PDE8A: variants seen among roughly 807,000 people sequenced by gnomAD.
PDE8A encodes high affinity cAMP-specific and IBMX-insensitive 3',5'-cyclic phosphodiesterase 8A.
In PDE8A, 59 loss-of-function variants were observed where a neutral mutation model predicts 105.0. The ratio of observed to expected loss-of-function variants is 0.56; its 90% CI spans 0.46 to 0.70. The LOEUF is 0.70. Ranked by LOEUF, PDE8A falls within the 30% of genes least tolerant of loss-of-function variation. The pLI, the probability that PDE8A is intolerant of heterozygous loss-of-function variation, is 0.00. For missense variants in PDE8A, 1,014 were observed against 1,045.9 expected (o/e 0.97, Z 0.42); for synonymous variants, 355 against 371.9 (o/e 0.95, Z 0.52).
chr15:85,100,202 C>T lies in PDE8A; in HGVS notation c.1036+4C>T, dbSNP rs370680030. The T allele has an allele frequency of 2.3e-5, 37 of 1,609,214 alleles. No individual in the cohort carries two copies. The East Asian group carries it at 3.1e-4, about 14-fold the overall frequency. ...GTTCAGTCTGACACTCATACAGGTACGGTGCCCCGTATTTATTCTTAGAGT... is the reference window on the plus strand; with the variant it reads ...GTTCAGTCTGACACTCATACAGGTATGGTGCCCCGTATTTATTCTTAGAGT... On this transcript the variant is annotated splice_donor_region_variant and intron_variant, in intron 11 of 21. Coordinates refer to ENST00000394553, the MANE Select transcript of PDE8A (RefSeq NM_002605.3).
intron 5 of PDE8A, among the ~76,000 whole-genome samples, chr15:85,078,640 TAA>T (rs1472923430): frequency 6.8e-6 from 1 of 148,026 alleles, no homozygotes; most frequent in African/African-American, 2.5e-5. Context: ...GAAGGTGAAA[TAA>T]AGACTTTCAG....
intron 1 of PDE8A, among the ~76,000 whole-genome samples, chr15:85,006,627 TAG>T (rs1567225108): frequency 6.6e-6 from 1 of 152,236 alleles, no homozygotes; most frequent in Non-Finnish European, 1.5e-5. Context: ...ATTGGAGAAA[TAG>T]AGTTTTTCTT....
chr15:85,134,737 A>C (rs2082379752), intron 20 of PDE8A, among the ~76,000 whole-genome samples: 1 of 152,182 alleles, frequency 6.6e-6, no homozygotes, highest in South Asian at 2.1e-4. Context: ...ATCCTAGGAA[A>C]ACCTCCAGAG....
chr15:85,105,210 G>T (rs11073939), intron 11 of PDE8A, among the ~76,000 whole-genome samples: 1 of 151,536 alleles, frequency 6.6e-6, no homozygotes, highest in Non-Finnish European at 1.5e-5. Context: ...CCTCATAGAT[G>T]ATTGAAAAGA....
intron 2 of PDE8A, among the ~76,000 whole-genome samples, chr15:85,065,481 AT>A (rs1260524558): frequency 1.5e-4 from 19 of 129,734 alleles, no homozygotes; most frequent in Non-Finnish European, 2.5e-4. Flanking sequence ...TTAAAGTATA[AT>A]TAAAAAAAAA....
chr15:85,090,489 C>T (rs2081623383), intron 7 of PDE8A, among the ~76,000 whole-genome samples: 1 of 152,190 alleles, frequency 6.6e-6, no homozygotes, highest in Admixed American at 6.5e-5. Flanking sequence ...TAAAGCCTTA[C>T]ATTTGTAATT....
chr15:85,056,006 G>A (rs1353320635), intron 1 of PDE8A, among the ~76,000 whole-genome samples: 2 of 152,090 alleles, frequency 1.3e-5, no homozygotes, highest in Non-Finnish European at 2.9e-5. Context: ...CAGGCCTGGT[G>A]GTGACAAAAT....
intron 1 of PDE8A, among the ~76,000 whole-genome samples, chr15:85,019,958 T>G (rs2080396362): frequency 7.0e-6 from 1 of 142,376 alleles, no homozygotes; most frequent in East Asian, 2.0e-4. Context: ...TTTTTTTTTT[T>G]TTTTTTTTTT....
In PDE8A at chr15:85,083,614, T is replaced by G; in HGVS notation, c.605T>G (p.Phe202Cys). The change falls in exon 6 of 22, where the codon TTT (phenylalanine) becomes TGT (cysteine). Residue 202 changes from phenylalanine to cysteine, a missense_variant. Transcript: ENST00000394553. ...ACYNELLQLE[F>C]GEVRSQLKLR... is the part of the protein sequence containing the mutation. Reference sequence around the variant, plus strand: ...TACAATGAACTGCTCCAGCTGGAGTTTGGAGAGGTGCGATCACAACTGAAA... The same window carrying G: ...TACAATGAACTGCTCCAGCTGGAGTGTGGAGAGGTGCGATCACAACTGAAA... 1 of 1,613,488 alleles carries G rather than the reference T, an allele frequency of 6.2e-7. No individual in the cohort carries two copies. The highest frequency in any genetic ancestry group is 8.5e-7 in the Non-Finnish European group (1 of 1,179,446).
chr15:85,100,375 G>A, intron 11 of PDE8A, 177 bp downstream of exon 11: 4 of 608,100 alleles, frequency 6.6e-6, no homozygotes, highest in South Asian at 4.2e-5. Context: ...GGACTTGAGC[G>A]CTTGTGAGCA....
chr15:85,137,634 G>C (rs538525842), intron 21 of PDE8A, among the ~76,000 whole-genome samples, 163 bp from the exon 22 acceptor site: 8 of 152,350 alleles, frequency 5.3e-5, no homozygotes, highest in Non-Finnish European at 1.5e-5. Flanking sequence ...TTTAACTTCA[G>C]TCAGCCACGG....
At chr15:85,137,073 C>T (rs902559622) in intron 21 of PDE8A, among the ~76,000 whole-genome samples, 10 of 152,172 alleles carry the variant, frequency 6.6e-5, no homozygotes, top group Non-Finnish European at 1.5e-4. Flanking sequence ...CCTCCTTTAA[C>T]TTCAGGTGGG....
At chr15:85,010,970 A>G (rs538313373) in intron 1 of PDE8A, among the ~76,000 whole-genome samples, 2 of 152,228 alleles carry the variant, frequency 1.3e-5, no homozygotes, top group East Asian at 3.9e-4. Flanking sequence ...GGTCAAGTCT[A>G]TTTTAAGTCT....
At chr15:85,114,293 C>T (rs1258766861) in intron 14 of PDE8A, among the ~76,000 whole-genome samples, 1 of 152,182 alleles carries the variant, frequency 6.6e-6, no homozygotes, top group Non-Finnish European at 1.5e-5. Context: ...AGCACCAGTT[C>T]TCCAGTGTTG....
intron 1 of PDE8A, among the ~76,000 whole-genome samples, chr15:85,028,473 G>A (rs992135316): frequency 2.6e-5 from 4 of 151,988 alleles, no homozygotes; most frequent in Non-Finnish European, 4.4e-5. Flanking sequence ...CCTCAGCCTC[G>A]CCAAGTGCTG....
chr15:85,017,578 A>T (rs1436411772), intron 1 of PDE8A, among the ~76,000 whole-genome samples: 2 of 152,030 alleles, frequency 1.3e-5, no homozygotes, highest in Non-Finnish European at 2.9e-5. Context: ...TATTTAGCAG[A>T]CTTTTACACT....
At position 84,997,075 on chromosome 15, in the gene PDE8A, G is replaced by GT. The variant is rs558272739; in HGVS notation, c.186+14734dup. 9.2e-5 allele frequency among the ~76,000 whole-genome samples: 14 copies of GT among 152,092 alleles called. No homozygotes were observed. The East Asian group carries it at 1.4e-3, about 15-fold the overall frequency. On this transcript the variant is annotated intron_variant, in intron 1 of 21. Transcript: ENST00000394553. The stretch of plus-strand genomic sequence containing the variant: ...TACTGTAACTTTTTTACTTTATAAA[G>GT]TTTTTTTAACTTTCTGACACATTTG...
rs2081841445 is a variant in PDE8A at position 85,100,372 on chromosome 15, A to T, written c.1036+174A>T. 11 of 608,828 alleles carry T rather than the reference A, an allele frequency of 1.8e-5. 1 individual carries two copies. The South Asian group carries it at 2.3e-4, about 13-fold the overall frequency. The allele number at this position is 608,828 out of a possible 1,614,324, so 37.7% of individuals were successfully genotyped here. ...ATGAGTCACTTGTACAGAGGACTTG[A>T]GCGCTTGTGAGCATTCTGATGGGTG... On this transcript the variant is annotated intron_variant, in intron 11 of 21. Coordinates refer to ENST00000394553, the MANE Select transcript of PDE8A (RefSeq NM_002605.3).
intron 1 of PDE8A, among the ~76,000 whole-genome samples, chr15:85,058,481 A>G (rs1567255782): frequency 3.3e-5 from 5 of 152,166 alleles, no homozygotes. Context: ...GAAGGATTGT[A>G]TTAGTTCTTT....
Sources: allele counts gnomAD v4.1 joint callset (sites outside exome capture counted in the v4.1 genomes callset), GRCh38; gene constraint gnomAD v4.1.1; transcripts MANE v1.5; gene names NCBI Gene and HGNC (gene_info 2026-07-23, HGNC 2026-07-21).